Variants in ERC1 observed in about 807,000 individuals in gnomAD.
The protein encoded by ERC1 is RAB6 interacting protein 2.
Under a neutral mutation model 132.0 loss-of-function variants are expected in ERC1, and 56 were observed. That is an observed-to-expected ratio of 0.42 (90% confidence interval 0.34 to 0.53). The LOEUF is 0.53. Among genes scored for constraint, ERC1 ranks in the 20% least tolerant of loss-of-function variants. The pLI is 0.03. For missense variants in ERC1, 1,202 were observed against 1,349.9 expected (o/e 0.89, Z 1.72); for synonymous variants, 478 against 476.1 (o/e 1.00, Z -0.05).
At chr12:1,355,453 A>G (rs2085432037) in intron 15 of ERC1, among the ~76,000 whole-genome samples, 1 of 152,190 alleles carries the variant, frequency 6.6e-6, no homozygotes, top group Admixed American at 6.5e-5. Flanking sequence ...AAGATATGCA[A>G]CCTACACCAT....
chr12:1,096,539 C>G (rs75753958), intron 3 of ERC1, among the ~76,000 whole-genome samples: 4,292 of 152,232 alleles, frequency 0.028, 197 homozygotes, highest in African/African-American at 0.098. Flanking sequence ...CCCAGTCAAT[C>G]ACCTTGTAGT....
intron 17 of ERC1, among the ~76,000 whole-genome samples, chr12:1,410,183 G>A (rs151222993): frequency 1.3e-5 from 2 of 152,142 alleles, no homozygotes; most frequent in East Asian, 3.9e-4. Flanking sequence ...ACGGTTGGTT[G>A]AATCCACAGA....
At chr12:1,304,803 T>G (rs2080721685) in intron 15 of ERC1, among the ~76,000 whole-genome samples, 2 of 134,060 alleles carry the variant, frequency 1.5e-5, no homozygotes, top group African/African-American at 6.1e-5. Flanking sequence ...TTTTTTTTTT[T>G]TTTTGAGACG....
intron 15 of ERC1, among the ~76,000 whole-genome samples, chr12:1,299,308 T>C (rs895892655): frequency 6.6e-6 from 1 of 152,208 alleles, no homozygotes; most frequent in Non-Finnish European, 1.5e-5. Context: ...TTCAGAAGAC[T>C]GAGATATGCT....
In ERC1 at chr12:1,237,618, G is replaced by A. The variant is rs148553409; in HGVS notation, c.2487+714G>A. ...GGTGGTATTGTATACATTTTGCACC[G>A]GGGGAAATAGATTCAGAGACATTGT... On this transcript the variant is annotated intron_variant, in intron 13 of 18. Coordinates refer to ENST00000360905, the MANE Select transcript of ERC1 (RefSeq NM_178040.4). Among the ~76,000 whole-genome samples, 255 of 152,292 alleles carry A rather than the reference G, an allele frequency of 1.7e-3. 1 individual carries two copies. Among genetic ancestry groups the A allele is most frequent in the Middle Eastern group, 6.8e-3 (2 of 294 alleles).
intron 12 of ERC1, 191 bp downstream of exon 12, chr12:1,190,243 A>G (rs1566193427): frequency 1.4e-6 from 1 of 726,614 alleles, no homozygotes. Flanking sequence ...GGCAACATAG[A>G]ATGGGAATAA....
chr12:995,362 GT>G (rs1217883215), intron 1 of ERC1, among the ~76,000 whole-genome samples: 2 of 152,166 alleles, frequency 1.3e-5, no homozygotes, highest in African/African-American at 4.8e-5. Context: ...GGGAGGAGGG[GT>G]TGGATTTTGT....
At chr12:1,269,100 T>A (rs767673562) in intron 14 of ERC1, among the ~76,000 whole-genome samples, 1 of 152,214 alleles carries the variant, frequency 6.6e-6, no homozygotes, top group African/African-American at 2.4e-5. Context: ...TTATAACTTA[T>A]TCAGTGGGTG....
intron 7 of ERC1, among the ~76,000 whole-genome samples, chr12:1,124,651 G>A: frequency 6.6e-6 from 1 of 151,712 alleles, no homozygotes; most frequent in African/African-American, 2.4e-5. Flanking sequence ...ATAAATATAA[G>A]GTGAGAAATT....
chr12:1,109,610 G>A (rs1668379130), intron 4 of ERC1, among the ~76,000 whole-genome samples: 1 of 152,040 alleles, frequency 6.6e-6, no homozygotes. Context: ...GTTTTTCATT[G>A]CATTTACTTC....
At chr12:1,342,115 C>G (rs573907099) in intron 15 of ERC1, among the ~76,000 whole-genome samples, 1 of 151,944 alleles carries the variant, frequency 6.6e-6, no homozygotes, top group African/African-American at 2.4e-5. Flanking sequence ...TCAGTGGGAG[C>G]TTGTAGAGAG....
intron 3 of ERC1, among the ~76,000 whole-genome samples, chr12:1,104,015 T>C (rs1373728601): frequency 7.1e-6 from 1 of 141,290 alleles, no homozygotes; most frequent in Non-Finnish European, 1.6e-5. Context: ...GACTGATTTA[T>C]TTAGAGACAT....
At chr12:1,056,554 C>T (rs971716818) in intron 2 of ERC1, among the ~76,000 whole-genome samples, 1 of 151,990 alleles carries the variant, frequency 6.6e-6, no homozygotes, top group African/African-American at 2.4e-5. Flanking sequence ...ACCAGGTGTG[C>T]CATTCTGGAA....
At chr12:1,473,514 C>T (rs765808097) in intron 18 of ERC1, among the ~76,000 whole-genome samples, 4 of 151,756 alleles carry the variant, frequency 2.6e-5, no homozygotes, top group Non-Finnish European at 5.9e-5. Flanking sequence ...CCCGTAGTCC[C>T]GGCTACTCAG....
intron 16 of ERC1, among the ~76,000 whole-genome samples, chr12:1,406,901 T>C (rs903239244): frequency 6.6e-6 from 1 of 152,150 alleles, no homozygotes; most frequent in African/African-American, 2.4e-5. Flanking sequence ...ACCCAAATTA[T>C]CTTTAGTGAG....
chr12:1,387,615 A>G (rs1591691828), intron 16 of ERC1, among the ~76,000 whole-genome samples: 1 of 152,220 alleles, frequency 6.6e-6, no homozygotes, highest in East Asian at 1.9e-4. Flanking sequence ...AAGGTGATAT[A>G]AAGGCAGAGG....
At chr12:1,191,520 A>G (rs1280085689) in intron 12 of ERC1, among the ~76,000 whole-genome samples, 19 of 152,216 alleles carry the variant, frequency 1.2e-4, no homozygotes, top group Admixed American at 1.0e-3. Flanking sequence ...TTAGAAATCT[A>G]CATTTGAAAT....
chr12:1,458,313 T>G (rs991563480), intron 18 of ERC1, among the ~76,000 whole-genome samples: 11 of 152,158 alleles, frequency 7.2e-5, no homozygotes, highest in African/African-American at 2.7e-4. Flanking sequence ...GTAAATATAT[T>G]GGAGCTAATA....
intron 13 of ERC1, among the ~76,000 whole-genome samples, chr12:1,258,309 TCTTA>T (rs1263187243): frequency 6.6e-6 from 1 of 152,196 alleles, no homozygotes; most frequent in Non-Finnish European, 1.5e-5. Context: ...TCAGAATGGC[TCTTA>T]CTGTCTCATA....
Sources: allele counts gnomAD v4.1 joint callset (sites outside exome capture counted in the v4.1 genomes callset), GRCh38; gene constraint gnomAD v4.1.1; transcripts MANE v1.5; gene names NCBI Gene and HGNC (gene_info 2026-07-23, HGNC 2026-07-21).